Variants in NISCH observed in about 807,000 individuals in gnomAD.
NISCH encodes the protein I-1 receptor candidate protein.
Under a neutral mutation model 138.4 loss-of-function variants are expected in NISCH, and 55 were observed. The ratio of observed to expected loss-of-function variants is 0.40; its 90% CI spans 0.32 to 0.50. NISCH has a LOEUF of 0.50. Among genes scored for constraint, NISCH ranks in the 20% least tolerant of loss-of-function variants. NISCH has a pLI of 0.71. For missense variants in NISCH, 1,643 were observed against 2,005.5 expected, an observed-to-expected ratio of 0.82 and a Z score of 3.45; for synonymous variants, 860 against 861.5, an observed-to-expected ratio of 1.00 and a Z score of 0.03.
At chr3:52,458,022 T>C in intron 2 of NISCH, 96 bp downstream of exon 2, 2 of 875,194 alleles carry the variant, frequency 2.3e-6, no homozygotes, top group Non-Finnish European at 3.8e-6. Context: ...GCAAAACAGG[T>C]TCCATCTCTA....
chr3:52,477,810 C>T, intron 9 of NISCH, 168 bp downstream of exon 9: 1 of 652,698 alleles, frequency 1.5e-6, no homozygotes, highest in Non-Finnish European at 2.7e-6. Flanking sequence ...GCTCTAGTTC[C>T]AAAGAATTAG....
At chr3:52,457,415 A>G (rs1467900283) in intron 1 of NISCH, among the ~76,000 whole-genome samples, 1 of 152,234 alleles carries the variant, frequency 6.6e-6, no homozygotes, top group African/African-American at 2.4e-5. Context: ...GAAGTACAAC[A>G]GAGAAGATGC....
At chr3:52,463,239 A>ATT (rs1706685249) in intron 3 of NISCH, among the ~76,000 whole-genome samples, 1 of 152,126 alleles carries the variant, frequency 6.6e-6, no homozygotes, top group African/African-American at 2.4e-5. Flanking sequence ...GGCTTCTTTC[A>ATT]TTTAGCCTTA....
At chr3:52,467,262 A>G (rs1357753908) in intron 3 of NISCH, among the ~76,000 whole-genome samples, 1 of 152,064 alleles carries the variant, frequency 6.6e-6, no homozygotes, top group Non-Finnish European at 1.5e-5. Flanking sequence ...CGGCCTCCCA[A>G]AGGGCTGGGA....
At chr3:52,462,309 T>C (rs1225363119) in intron 3 of NISCH, among the ~76,000 whole-genome samples, 1 of 152,236 alleles carries the variant, frequency 6.6e-6, no homozygotes, top group African/African-American at 2.4e-5. Flanking sequence ...ATGCATTGTT[T>C]AGCAGCACCC....
intron 19 of NISCH, among the ~76,000 whole-genome samples, 168 bp from the exon 20 acceptor site, chr3:52,491,184 G>A (rs993629599): frequency 9.2e-5 from 14 of 152,248 alleles, no homozygotes; most frequent in Admixed American, 6.5e-5. Flanking sequence ...CAGCTCTTCC[G>A]GCCTGAAGGA....
rs757025454 is a variant in NISCH at position 52,484,614 on chromosome 3, T to C, written c.1630T>C (p.Leu544=). The C allele has an allele frequency of 2.5e-6, 4 of 1,614,042 alleles. No homozygotes were observed. The highest frequency in any genetic ancestry group is 2.2e-5 in the South Asian group (2 of 91,074). ...QPIAQGCSDS[L]ESIPAGQAAS... Reference sequence around the variant, plus strand: ...CATTGCCCAGGGATGTTCTGATTCCTTGGAGTCCATCCCTGCGGGACAGGT... The same window carrying C: ...CATTGCCCAGGGATGTTCTGATTCCCTGGAGTCCATCCCTGCGGGACAGGT... Residue 544 remains leucine (L), a synonymous_variant, in exon 14 of 21, where the codon TTG becomes CTG. Coordinates refer to ENST00000345716, the MANE Select transcript of NISCH (RefSeq NM_007184.4).
At position 52,471,937 on chromosome 3, in the gene NISCH, G is replaced by T. The variant is rs756824984; in HGVS notation, c.533G>T (p.Gly178Val). 5 of 1,610,256 alleles carry T rather than the reference G, an allele frequency of 3.1e-6. No homozygotes were observed. In the Admixed American group the frequency reaches 8.4e-5, roughly 27 times the overall value. The part of the protein sequence containing the change: ...CASGDAKTDL[G>V]HILDFTCRLK... ...AGTGGGGATGCCAAGACCGACCTCG[G>T]GCACATCCTGGACTTCACCTGTCGC... is the stretch of plus-strand genomic sequence containing the variant. The change falls in exon 5 of 21, where the codon GGG (glycine) becomes GTG (valine). Residue 178 changes from glycine (G) to valine (V), a missense_variant. Gly to Val is a moderately radical substitution (Grantham distance 109, BLOSUM62 -3). Transcript: ENST00000345716.
rs761907317 is a variant in NISCH, at chr3:52,492,485, C to T, written c.*3C>T. On this transcript the variant is annotated 3_prime_UTR_variant, in exon 21 of 21. Transcript: ENST00000345716. ...TGCCTGTCGAGCTCACCGGCTAGCC[C>T]AGGCCACAGCCAGCCTGTCGTGTCC... The T allele has an allele frequency of 1.3e-6, 2 of 1,587,842 alleles. No homozygotes were observed. Among genetic ancestry groups the T allele is most frequent in the Admixed American group, 1.7e-5 (1 of 58,746 alleles).
At chr3:52,461,467 C>T (rs564502247) in intron 3 of NISCH, among the ~76,000 whole-genome samples, 1 of 152,212 alleles carries the variant, frequency 6.6e-6, no homozygotes, top group African/African-American at 2.4e-5. Context: ...TAGCAACATA[C>T]CCTTTCGTAA....
chr3:52,489,314 T>C, intron 16 of NISCH, 22 bp from the exon 17 acceptor site: 2 of 1,601,306 alleles, frequency 1.2e-6, no homozygotes, highest in Non-Finnish European at 1.7e-6. Context: ...GCTGTTAATA[T>C]GGTGTTTTTC....
intron 14 of NISCH, among the ~76,000 whole-genome samples, chr3:52,485,200 A>G (rs1707373992): frequency 1.3e-5 from 2 of 152,094 alleles, no homozygotes; most frequent in Non-Finnish European, 2.9e-5. Context: ...GTGCTTCGCA[A>G]ATGTGCTTGG....
rs1707553576 is a variant in NISCH, at chr3:52,491,246, C to T, written c.3743-106C>T. 22 of 1,475,560 alleles carry T rather than the reference C, an allele frequency of 1.5e-5. No homozygotes were observed. The South Asian group carries it at 2.3e-4, about 15-fold the overall frequency. The allele number at this position is 1,475,560 out of a possible 1,614,324, so 91.4% of individuals were successfully genotyped here. ...CTTTCCTGTGTGGGCCCTCCTGGCCCTGGCCTCTGGGCTGAGGCTTGCTAG... is the reference window on the plus strand; with the variant it reads ...CTTTCCTGTGTGGGCCCTCCTGGCCTTGGCCTCTGGGCTGAGGCTTGCTAG... On this transcript the variant is annotated intron_variant, in intron 19 of 20. Coordinates refer to ENST00000345716, the MANE Select transcript of NISCH (RefSeq NM_007184.4).
chr3:52,475,963 C>T (rs1707086933), intron 7 of NISCH: 1 of 157,922 alleles, frequency 6.3e-6, no homozygotes, highest in Non-Finnish European at 1.4e-5. Context: ...ATGGTGAAGC[C>T]CCCATCTCTA....
At chr3:52,478,031 G>A (rs1707154652) in intron 9 of NISCH, 66 bp from the exon 10 acceptor site, 6 of 1,543,844 alleles carry the variant, frequency 3.9e-6, no homozygotes, top group South Asian at 2.3e-5. Context: ...CCTGCCATTA[G>A]TGTCAGGCCC....
intron 3 of NISCH, among the ~76,000 whole-genome samples, chr3:52,462,826 C>T (rs1319550676): frequency 3.3e-5 from 5 of 151,920 alleles, no homozygotes; most frequent in East Asian, 3.9e-4. Context: ...TTAGTAGAGA[C>T]GGGGTTTCAC....
intron 19 of NISCH, among the ~76,000 whole-genome samples, chr3:52,491,144 GTC>G (rs1438859851): frequency 6.6e-6 from 1 of 152,266 alleles, no homozygotes; most frequent in East Asian, 1.9e-4. Context: ...TTTGCCTAAT[GTC>G]TCTGTCTCCC....
intron 3 of NISCH, among the ~76,000 whole-genome samples, chr3:52,467,727 C>T (rs1003126853): frequency 4.6e-5 from 7 of 152,260 alleles, no homozygotes; most frequent in African/African-American, 1.7e-4. Flanking sequence ...TTTCTCTCAA[C>T]TTTCCATGTG....
chr3:52,484,695 G>A, intron 14 of NISCH, 58 bp downstream of exon 14: 2 of 1,603,154 alleles, frequency 1.2e-6, no homozygotes, highest in Non-Finnish European at 1.7e-6. Context: ...TCTTCTGCTT[G>A]GGGTTGTGTG....
Sources: allele counts gnomAD v4.1 joint callset (sites outside exome capture counted in the v4.1 genomes callset), GRCh38; gene constraint gnomAD v4.1.1; transcripts MANE v1.5; gene names NCBI Gene and HGNC (gene_info 2026-07-23, HGNC 2026-07-21).